The following TRHDE variants were observed in gnomAD, a reference collection of about 807,000 sequenced individuals.
TRHDE encodes the protein thyrotropin-releasing hormone-degrading ectoenzyme.
TRHDE carries 72 observed loss-of-function variants against 125.7 expected under a neutral mutation model. The observed-to-expected ratio is 0.57, with a 90% CI of 0.47 to 0.70. The LOEUF is 0.70. TRHDE is among the 30% of genes least tolerant of loss of function. The probability of loss-of-function intolerance (pLI) is 0.00; values close to 1 mark genes in which losing one functional copy is unlikely to be tolerated. For missense variants in TRHDE, 1,110 were observed against 1,327.1 expected, an observed-to-expected ratio of 0.84 and a Z score of 2.54; for synonymous variants, 509 against 509.1, an observed-to-expected ratio of 1.00 and a Z score of 0.00.
At chr12:72,317,523 G>A (rs1475148064) in intron 2 of TRHDE, among the ~76,000 whole-genome samples, 1 of 152,130 alleles carries the variant, frequency 6.6e-6, no homozygotes, top group Non-Finnish European at 1.5e-5. Flanking sequence ...ATGGTGCTTT[G>A]TTGCTGTGTT....
At chr12:72,485,415 T>C (rs1024330831) in intron 5 of TRHDE, among the ~76,000 whole-genome samples, 4 of 152,140 alleles carry the variant, frequency 2.6e-5, no homozygotes, top group African/African-American at 9.7e-5. Context: ...TTGGAACTGC[T>C]CCAGCCTCTG....
intron 2 of TRHDE, among the ~76,000 whole-genome samples, chr12:72,350,662 C>T (rs1351343890): frequency 6.6e-6 from 1 of 151,872 alleles, no homozygotes. Flanking sequence ...AACTCCCTTC[C>T]TGAATTGCTT....
In TRHDE at chr12:72,174,645, G is replaced by A. The variant is rs552832629; in HGVS notation, n.279+68893G>A. Reference sequence around the variant, plus strand: ...GCACAGAGCAATTATTTTGAAGAACGTCTTTTAGTTGGAATTTGTATGATG... The same window carrying A: ...GCACAGAGCAATTATTTTGAAGAACATCTTTTAGTTGGAATTTGTATGATG... On this transcript the variant is annotated intron_variant and non_coding_transcript_variant, in intron 2 of 4. Coordinates refer to the TRHDE transcript ENST00000548156. 5.9e-5 allele frequency among the ~76,000 whole-genome samples: 9 copies of A among 152,120 alleles called. No homozygotes were observed. The East Asian group carries it at 7.7e-4, about 13-fold the overall frequency.
At chr12:72,179,064 A>T (rs574503454) in intron 2 of TRHDE, among the ~76,000 whole-genome samples, 15 of 152,232 alleles carry the variant, frequency 9.9e-5, no homozygotes, top group African/African-American at 3.6e-4. Context: ...CCTATTGGAA[A>T]TATGAACAGG....
chr12:72,525,993 A>G (rs969086205), intron 6 of TRHDE, among the ~76,000 whole-genome samples: 13 of 152,082 alleles, frequency 8.5e-5, no homozygotes, highest in African/African-American at 2.7e-4. Flanking sequence ...TCAGCTGACC[A>G]TATCTACTTC....
chr12:72,212,109 A>G (rs997910003), intron 2 of TRHDE, among the ~76,000 whole-genome samples: 1 of 152,166 alleles, frequency 6.6e-6, no homozygotes, highest in African/African-American at 2.4e-5. Context: ...GTTTTTGAAT[A>G]AATAGAATTA....
chr12:72,199,273 G>T (rs2139353753), intron 2 of TRHDE, among the ~76,000 whole-genome samples: 1 of 152,152 alleles, frequency 6.6e-6, no homozygotes, highest in Non-Finnish European at 1.5e-5. Flanking sequence ...AGGTATGTCA[G>T]AGCTTAAAAA....
intron 2 of TRHDE, among the ~76,000 whole-genome samples, chr12:72,149,103 T>C (rs539708851): frequency 6.6e-6 from 1 of 152,308 alleles, no homozygotes; most frequent in South Asian, 2.1e-4. Flanking sequence ...TGATTTTTTT[T>C]TTCTGGCTTG....
At chr12:72,283,190 T>C (rs1879757948) in intron 1 of TRHDE, among the ~76,000 whole-genome samples, 2 of 152,172 alleles carry the variant, frequency 1.3e-5, no homozygotes. Flanking sequence ...CACTCAAAAA[T>C]AAATGATTAA....
In TRHDE at chr12:72,172,888, A is replaced by G. The variant is rs1298443211; in HGVS notation, n.279+67136A>G. ...TGGTTTTACTCAACATTTTTCAAACATATGTGGTTGCAGATCTCTTTTATG... is the reference window on the plus strand; with the variant it reads ...TGGTTTTACTCAACATTTTTCAAACGTATGTGGTTGCAGATCTCTTTTATG... On this transcript the variant is annotated intron_variant and non_coding_transcript_variant, in intron 2 of 4. Transcript: ENST00000548156. Among the ~76,000 whole-genome samples the G allele has an allele frequency of 2.0e-5, 3 of 152,212 alleles. 1 individual carries two copies. Among genetic ancestry groups the G allele is most frequent in the Admixed American group, 1.3e-4 (2 of 15,274 alleles).
intron 3 of TRHDE, among the ~76,000 whole-genome samples, chr12:72,408,265 C>A (rs1360380070): frequency 6.6e-6 from 1 of 152,158 alleles, no homozygotes; most frequent in Non-Finnish European, 1.5e-5. Context: ...GATAAAGTTT[C>A]CAACACATGA....
rs535456108 is a variant in TRHDE at position 72,258,458 on chromosome 12, G to A, written n.280-119537G>A. On this transcript the variant is annotated intron_variant and non_coding_transcript_variant, in intron 2 of 4. Coordinates refer to the TRHDE transcript ENST00000548156. ...ATGCTGTCATTAATTTCCCATTAAT[G>A]TCCCTTTCTTGGCTTATATAACTTT... Among the ~76,000 whole-genome samples, 8 of 152,158 alleles carry A rather than the reference G, an allele frequency of 5.3e-5. No individual in the cohort carries two copies. In the South Asian group the frequency reaches 1.7e-3, roughly 32 times the overall value.
intron 7 of TRHDE, among the ~76,000 whole-genome samples, chr12:72,557,189 G>A (rs1869965784): frequency 6.6e-6 from 1 of 152,146 alleles, no homozygotes; most frequent in African/African-American, 2.4e-5. Context: ...CAGAATTTGA[G>A]GGGAAGTTTT....
intron 3 of TRHDE, among the ~76,000 whole-genome samples, chr12:72,438,217 G>A (rs751457433): frequency 1.3e-5 from 2 of 151,708 alleles, no homozygotes; most frequent in African/African-American, 2.4e-5. Flanking sequence ...CTTGGCTATT[G>A]TGAGTATTCT....
chr12:72,381,528 T>TG (rs765900993), intron 3 of TRHDE, among the ~76,000 whole-genome samples: 1 of 150,524 alleles, frequency 6.6e-6, no homozygotes, highest in East Asian at 2.0e-4. Flanking sequence ...CCCAAGTAGC[T>TG]GGGACTACAG....
chr12:72,588,126 G>T (rs949789053), intron 12 of TRHDE, among the ~76,000 whole-genome samples: 1 of 152,158 alleles, frequency 6.6e-6, no homozygotes, highest in African/African-American at 2.4e-5. Flanking sequence ...TGCTTATAGT[G>T]CATTGACCTT....
chr12:72,176,322 G>A (rs1876987543), intron 2 of TRHDE, among the ~76,000 whole-genome samples: 1 of 152,174 alleles, frequency 6.6e-6, no homozygotes, highest in South Asian at 2.1e-4. Flanking sequence ...AGCGAGCCAA[G>A]ATCGTGCCAC....
At chr12:72,271,412 C>T (rs182884920), upstream of TRHDE, among the ~76,000 whole-genome samples, 1 of 152,250 alleles carries the variant, frequency 6.6e-6, no homozygotes, top group African/African-American at 2.4e-5. Flanking sequence ...CCAAGGATCT[C>T]TCCCTGGAGC....
chr12:72,400,388 T>A (rs1872991333), intron 3 of TRHDE, among the ~76,000 whole-genome samples: 1 of 152,214 alleles, frequency 6.6e-6, no homozygotes, highest in Non-Finnish European at 1.5e-5. Context: ...AGATACATCT[T>A]GGACTACGCC....
Sources: gnomAD v4.1 joint callset for allele counts (sites outside exome capture counted in the v4.1 genomes callset) on GRCh38, gnomAD v4.1.1 for gene constraint, MANE v1.5 for transcripts, NCBI Gene and HGNC (gene_info 2026-07-23, HGNC 2026-07-21) for gene names.